The following AGO1 variants were observed in gnomAD, a reference collection of about 807,000 sequenced individuals.
The protein encoded by AGO1 is argonaute RISC component 1, also known as protein argonaute-1.
In AGO1, 11 loss-of-function variants were observed where a neutral mutation model predicts 109.2. The observed-to-expected ratio is 0.10, with a 90% confidence interval of 0.06 to 0.17. AGO1 has a LOEUF of 0.17. Ranked by LOEUF, AGO1 falls within the 10% of genes least tolerant of loss-of-function variation. The pLI, the probability that AGO1 is intolerant of heterozygous loss-of-function variation, is 1.00. For synonymous variants in AGO1, 422 were observed against 418.6 expected (o/e 1.01, Z -0.10); for missense variants, 574 against 1,140.3 (o/e 0.50, Z 7.15).
Position 35,922,191 on chromosome 1 carries a change from T to A in AGO1, c.*2584T>A, listed in dbSNP as rs1256609372. 6.5e-6 allele frequency: 1 copy of A among 152,706 alleles called. No individual in the cohort carries two copies. The highest frequency in any genetic ancestry group is 2.4e-5 in the African/African-American group (1 of 41,466). 9.5% of individuals were successfully genotyped at this position (152,706 alleles called of 1,614,324 possible). A position where few individuals can be genotyped will look rare whatever the true frequency, so the allele number is the denominator to read the frequency against. ...CTCCAGTTGGTTTTCAGCTGGGGCT[T>A]GAAATGCATTTTTAGCCCTTTGACG... On this transcript the variant is annotated 3_prime_UTR_variant, in exon 19 of 19. Transcript: ENST00000373204.
At chr1:35,910,561 G>A (rs897116806) in intron 12 of AGO1, among the ~76,000 whole-genome samples, 1 of 151,842 alleles carries the variant, frequency 6.6e-6, no homozygotes, top group Non-Finnish European at 1.5e-5. Flanking sequence ...CACTATTCTG[G>A]CTTCTAATAC....
At position 35,888,196 on chromosome 1, in the gene AGO1, A is replaced by T. The variant is rs1645151143; in HGVS notation, c.26-231A>T. On this transcript the variant is annotated intron_variant, in intron 1 of 18. Transcript: ENST00000373204. The surrounding 1 kb of genome is among the most constrained non-coding windows in gnomAD (Gnocchi z 4.1). ...TTATATATTAACTTAATGAATTAAA[A>T]ATAGACAATAAGGATAATTTTCCTA... Among the ~76,000 whole-genome samples, 2 of 152,232 alleles carry T rather than the reference A, an allele frequency of 1.3e-5. No individual in the cohort carries two copies. Among genetic ancestry groups the T allele is most frequent in the Admixed American group, 1.3e-4 (2 of 15,284 alleles).
rs978227204 is a variant in AGO1, at chr1:35,926,148, TAGC to T, written c.*6544_*6546del. On this transcript the variant is annotated 3_prime_UTR_variant, in exon 19 of 19. Transcript: ENST00000373204. ...CCGAGTGAGGCAGAAATAAAGAACT[TAGC>T]AGGGGGAATAGGAGGAGGATGATTA... 1.3e-5 allele frequency: 2 copies of T among 152,144 alleles called. No individual in the cohort carries two copies. The highest frequency in any genetic ancestry group is 4.8e-5 in the African/African-American group (2 of 41,422). 9.4% of individuals were successfully genotyped at this position (152,144 alleles called of 1,614,324 possible). A position where few individuals can be genotyped will look rare whatever the true frequency, so the allele number is the denominator to read the frequency against.
Position 35,901,816 on chromosome 1 carries a change from A to C in AGO1, c.1141-132A>C, listed in dbSNP as rs1439249130. The C allele has an allele frequency of 1.4e-6, 2 of 1,382,984 alleles. No homozygotes were observed. The highest frequency in any genetic ancestry group is 1.4e-5 in the African/African-American group (1 of 69,014). 85.7% of individuals were successfully genotyped at this position (1,382,984 alleles called of 1,614,324 possible). ...TATTCCCTCACTTCCCTCATCTTCCACTTTCTCTCTCTTTTTAGGACTATT... is the reference window on the plus strand; with the variant it reads ...TATTCCCTCACTTCCCTCATCTTCCCCTTTCTCTCTCTTTTTAGGACTATT... On this transcript the variant is annotated intron_variant, in intron 9 of 18. Coordinates refer to ENST00000373204, the MANE Select transcript of AGO1 (RefSeq NM_012199.5). The surrounding 1 kb of genome is among the most constrained non-coding windows in gnomAD (Gnocchi z 4.8).
chr1:35,913,677 C>T (rs898557556), intron 12 of AGO1, among the ~76,000 whole-genome samples, 165 bp from the exon 13 acceptor site: 13 of 152,010 alleles, frequency 8.6e-5, no homozygotes, highest in Admixed American at 5.2e-4. Context: ...GTAATTTTCA[C>T]GATTTTTAAA....
At position 35,927,449 on chromosome 1, in the gene AGO1, G is replaced by C. The variant is rs1051385703; in HGVS notation, c.*7842G>C. 6.6e-6 allele frequency: 1 copy of C among 152,046 alleles called. No individual in the cohort carries two copies. Among genetic ancestry groups the C allele is most frequent in the Non-Finnish European group, 1.5e-5 (1 of 68,014 alleles). 9.4% of individuals were successfully genotyped at this position (152,046 alleles called of 1,614,324 possible). A position where few individuals can be genotyped will look rare whatever the true frequency, so the allele number is the denominator to read the frequency against. ...CAGTTCGCCTCATGGTCCCAATATG[G>C]CTACTGTAATTCTGGGAAGGAAATG... On this transcript the variant is annotated 3_prime_UTR_variant, in exon 19 of 19. Coordinates refer to ENST00000373204, the MANE Select transcript of AGO1 (RefSeq NM_012199.5).
intron 15 of AGO1, among the ~76,000 whole-genome samples, 154 bp from the exon 16 acceptor site, chr1:35,917,439 G>C (rs1645753430): frequency 6.6e-6 from 1 of 152,180 alleles, no homozygotes; most frequent in Non-Finnish European, 1.5e-5. Flanking sequence ...TTGACAAGAA[G>C]GGCCTGTCAT....
In AGO1 at chr1:35,902,083, AG is replaced by A. The variant is rs1645427013; in HGVS notation, c.1263+16del. The A allele has an allele frequency of 6.3e-7, 1 of 1,593,638 alleles. No individual in the cohort carries two copies. The highest frequency in any genetic ancestry group is 1.7e-5 in the Admixed American group (1 of 57,490). On this transcript the variant is annotated intron_variant, in intron 10 of 18. Coordinates refer to ENST00000373204, the MANE Select transcript of AGO1 (RefSeq NM_012199.5). Reference sequence around the variant, plus strand: ...GTACGGCGGCCGGGTGAGCAGGGTCAGGGCCAGACAACATCTCGGGGCATAT... The same window carrying A: ...GTACGGCGGCCGGGTGAGCAGGGTCAGGCCAGACAACATCTCGGGGCATAT...
chr1:35,918,585 T>C (rs1166268549), intron 17 of AGO1, among the ~76,000 whole-genome samples, 162 bp downstream of exon 17: 3 of 152,192 alleles, frequency 2.0e-5, no homozygotes, highest in Non-Finnish European at 4.4e-5. Flanking sequence ...TCTCACTCTG[T>C]CCCCCAGGCT....
chr1:35,911,038 C>T (rs887787443), intron 12 of AGO1, among the ~76,000 whole-genome samples: 2 of 152,106 alleles, frequency 1.3e-5, no homozygotes, highest in African/African-American at 2.4e-5. Context: ...TGCACTCCAG[C>T]CTGGGCAACA....
At position 35,901,067 on chromosome 1, in the gene AGO1, C is replaced by T. The variant is rs1571356898; in HGVS notation, c.1021-407C>T. Among the ~76,000 whole-genome samples, 1 of 151,640 alleles carries T rather than the reference C, an allele frequency of 6.6e-6. No individual in the cohort carries two copies. Reference sequence around the variant, plus strand: ...CGTGATCTGGGCTCACTGCAACCTCCGCCTCCCGGTTCAAGCGATTCTTGT... The same window carrying T: ...CGTGATCTGGGCTCACTGCAACCTCTGCCTCCCGGTTCAAGCGATTCTTGT... On this transcript the variant is annotated intron_variant, in intron 8 of 18. Coordinates refer to ENST00000373204, the MANE Select transcript of AGO1 (RefSeq NM_012199.5). The surrounding 1 kb of genome is among the most constrained non-coding windows in gnomAD (Gnocchi z 4.8).
At chr1:35,872,697 G>T (rs1481411707) in intron 1 of AGO1, among the ~76,000 whole-genome samples, 1 of 151,708 alleles carries the variant, frequency 6.6e-6, no homozygotes, top group Non-Finnish European at 1.5e-5. Flanking sequence ...TCAGTCACCC[G>T]AGAAGCTAGG....
chr1:35,888,815 A>G lies in AGO1; in HGVS notation c.209+205A>G, dbSNP rs1413381859. ...GATTATTAGTGGCTTTTGCCAGAGCAATTTCAGCAGAAAGTAGTTGAGCTA... is the reference window on the plus strand; with the variant it reads ...GATTATTAGTGGCTTTTGCCAGAGCGATTTCAGCAGAAAGTAGTTGAGCTA... On this transcript the variant is annotated intron_variant, in intron 2 of 18. Transcript: ENST00000373204. The surrounding 1 kb of genome is among the most constrained non-coding windows in gnomAD (Gnocchi z 4.1). Among the ~76,000 whole-genome samples, 1 of 152,270 alleles carries G rather than the reference A, an allele frequency of 6.6e-6. No individual in the cohort carries two copies. The highest frequency in any genetic ancestry group is 1.9e-4 in the East Asian group (1 of 5,202).
intron 12 of AGO1, among the ~76,000 whole-genome samples, chr1:35,910,791 G>A (rs1645618893): frequency 6.6e-6 from 1 of 152,168 alleles, no homozygotes; most frequent in Non-Finnish European, 1.5e-5. Context: ...CAGGCTGGGT[G>A]CAGTGACTCG....
intron 15 of AGO1, 52 bp from the exon 16 acceptor site, chr1:35,917,541 T>C: frequency 1.3e-6 from 2 of 1,577,646 alleles, no homozygotes; most frequent in South Asian, 1.1e-5. Flanking sequence ...GTATGTGAAC[T>C]CAAGAGGAAC....
At chr1:35,902,931 T>C (rs921097208) in intron 11 of AGO1, among the ~76,000 whole-genome samples, 2 of 152,030 alleles carry the variant, frequency 1.3e-5, no homozygotes, top group African/African-American at 4.8e-5. Context: ...AGGAAAGTGT[T>C]ATAGCCAAAT....
Position 35,926,456 on chromosome 1 carries a change from G to A in AGO1, c.*6849G>A, listed in dbSNP as rs987936386. The A allele has an allele frequency of 1.3e-5, 2 of 152,194 alleles. No homozygotes were observed. Among genetic ancestry groups the A allele is most frequent in the Non-Finnish European group, 2.9e-5 (2 of 68,048 alleles). 9.4% of individuals were successfully genotyped at this position (152,194 alleles called of 1,614,324 possible). Reference sequence around the variant, plus strand: ...GGTAGTCAGGCTGGGTATTTGTTTGGTATCTCTTGGTGTAGCAGACCCCAG... The same window carrying A: ...GGTAGTCAGGCTGGGTATTTGTTTGATATCTCTTGGTGTAGCAGACCCCAG... On this transcript the variant is annotated 3_prime_UTR_variant, in exon 19 of 19. Transcript: ENST00000373204.
In AGO1 at chr1:35,915,536, A is replaced by G. The variant is rs1645719049; in HGVS notation, c.2022A>G (p.Leu674=). ...GAGATGGGGTGCCTGAAGGCCAGCT[A>G]CCCCAGGTAGGGCCCACAGTAGGTG... ...FYRDGVPEGQ[L]PQILHYELLA... is the part of the protein sequence containing the mutation. The change falls in exon 15 of 19, where the codon CTA becomes CTG. Residue 674 remains leucine (L), a synonymous_variant. Coordinates refer to ENST00000373204, the MANE Select transcript of AGO1 (RefSeq NM_012199.5). The G allele has an allele frequency of 6.2e-6, 10 of 1,613,676 alleles. No individual in the cohort carries two copies. The South Asian group carries it at 1.1e-4, about 18-fold the overall frequency.
At chr1:35,908,489 CCT>C (rs1383175522) in intron 12 of AGO1, among the ~76,000 whole-genome samples, 1 of 152,130 alleles carries the variant, frequency 6.6e-6, no homozygotes, top group Admixed American at 6.5e-5. Flanking sequence ...GTCCCTTTGG[CCT>C]CTCTCCCTCT....
Sources: allele counts gnomAD v4.1 joint callset (sites outside exome capture counted in the v4.1 genomes callset), GRCh38; gene constraint gnomAD v4.1.1; non-coding constraint Gnocchi (gnomAD v3.1); transcripts MANE v1.5; gene names NCBI Gene and HGNC (gene_info 2026-07-23, HGNC 2026-07-21).